Variants in HTR7 observed in about 807,000 individuals in gnomAD.
HTR7 encodes the protein 5-hydroxytryptamine receptor 7.
HTR7 carries 16 observed loss-of-function variants against 34.0 expected under a neutral mutation model. The observed-to-expected ratio is 0.47, with a 90% CI of 0.32 to 0.71. The LOEUF is 0.71. Among genes scored for constraint, HTR7 ranks in the 30% least tolerant of loss-of-function variants. HTR7 has a pLI of 0.04. For synonymous variants in HTR7, 265 were observed against 260.2 expected (o/e 1.02, Z -0.18); for missense variants, 504 against 625.5 (o/e 0.81, Z 2.07).
chr10:90,813,122 A>C (rs2119975189), intron 1 of HTR7, among the ~76,000 whole-genome samples: 1 of 151,760 alleles, frequency 6.6e-6, no homozygotes, highest in South Asian at 2.1e-4. Context: ...ACCTACCCAA[A>C]TCTTATAAAA....
chr10:90,750,678 C>A (rs1844719646), intron 1 of HTR7, among the ~76,000 whole-genome samples: 1 of 152,132 alleles, frequency 6.6e-6, no homozygotes, highest in Non-Finnish European at 1.5e-5. Context: ...AGGTTATTTT[C>A]TGAAAGTTAG....
intron 1 of HTR7, among the ~76,000 whole-genome samples, chr10:90,783,632 G>A (rs1845339893): frequency 6.6e-6 from 1 of 152,138 alleles, no homozygotes; most frequent in African/African-American, 2.4e-5. Flanking sequence ...GCTTTTTAGA[G>A]ATAGGCTTTT....
At chr10:90,782,479 T>C (rs1845320253) in intron 1 of HTR7, among the ~76,000 whole-genome samples, 1 of 152,200 alleles carries the variant, frequency 6.6e-6, no homozygotes, top group South Asian at 2.1e-4. Context: ...ATGGCAATGA[T>C]GAAGTTAAAT....
At chr10:90,840,678 C>G (rs1403726039) in intron 1 of HTR7, among the ~76,000 whole-genome samples, 1 of 152,204 alleles carries the variant, frequency 6.6e-6, no homozygotes, top group Non-Finnish European at 1.5e-5. Context: ...AACACAACAA[C>G]ACTACTAATA....
intron 1 of HTR7, among the ~76,000 whole-genome samples, chr10:90,756,870 A>G (rs949228744): frequency 6.6e-6 from 1 of 152,142 alleles, no homozygotes; most frequent in African/African-American, 2.4e-5. Flanking sequence ...GAAAAAGAAA[A>G]ATACATGTCT....
At chr10:90,766,758 T>A (rs1845031795) in intron 1 of HTR7, among the ~76,000 whole-genome samples, 1 of 152,250 alleles carries the variant, frequency 6.6e-6, no homozygotes, top group Non-Finnish European at 1.5e-5. Flanking sequence ...AGTTATAGCA[T>A]CACCCTAATT....
At chr10:90,781,275 A>G (rs1845301943) in intron 1 of HTR7, among the ~76,000 whole-genome samples, 1 of 152,224 alleles carries the variant, frequency 6.6e-6, no homozygotes, top group African/African-American at 2.4e-5. Flanking sequence ...CACAGTATAT[A>G]TATATGGCAT....
intron 1 of HTR7, among the ~76,000 whole-genome samples, chr10:90,833,446 A>C (rs949200954): frequency 1.3e-5 from 2 of 152,186 alleles, no homozygotes; most frequent in African/African-American, 4.8e-5. Flanking sequence ...AAATTATCTA[A>C]GCCTTTCCTT....
intron 1 of HTR7, among the ~76,000 whole-genome samples, chr10:90,795,383 A>C (rs962528063): frequency 6.6e-6 from 1 of 152,120 alleles, no homozygotes; most frequent in Non-Finnish European, 1.5e-5. Context: ...AAAAATTAGC[A>C]CCTCCTTCTA....
At chr10:90,751,107 T>C (rs1844726159) in intron 1 of HTR7, among the ~76,000 whole-genome samples, 3 of 152,254 alleles carry the variant, frequency 2.0e-5, no homozygotes. Flanking sequence ...AACTTCCGCC[T>C]CCCCTTTTCC....
At chr10:90,752,973 C>T (rs1424636507) in intron 1 of HTR7, among the ~76,000 whole-genome samples, 2 of 152,034 alleles carry the variant, frequency 1.3e-5, no homozygotes, top group Non-Finnish European at 2.9e-5. Flanking sequence ...CAAAATGAAA[C>T]ATCAATAAAT....
At chr10:90,771,855 C>G (rs1237349268) in intron 1 of HTR7, among the ~76,000 whole-genome samples, 1 of 151,788 alleles carries the variant, frequency 6.6e-6, no homozygotes, top group Non-Finnish European at 1.5e-5. Context: ...CACCACCAGA[C>G]AGAGGTTTCC....
At chr10:90,753,297 C>T (rs1425671064) in intron 1 of HTR7, among the ~76,000 whole-genome samples, 1 of 152,020 alleles carries the variant, frequency 6.6e-6, no homozygotes, top group African/African-American at 2.4e-5. Context: ...TTTGGGAGGC[C>T]AAGGTGGAAG....
intron 1 of HTR7, among the ~76,000 whole-genome samples, chr10:90,850,935 A>T (rs997334318): frequency 6.6e-5 from 10 of 152,230 alleles, no homozygotes; most frequent in Admixed American, 3.3e-4. Flanking sequence ...AGACATAGAG[A>T]AGTAAAGAAT....
intron 1 of HTR7, among the ~76,000 whole-genome samples, chr10:90,787,390 A>C (rs1845396458): frequency 2.0e-5 from 3 of 152,138 alleles, no homozygotes; most frequent in Non-Finnish European, 4.4e-5. Context: ...CGGGAGACAG[A>C]GACAGGAGAA....
At chr10:90,783,254 G>A (rs1166884563) in intron 1 of HTR7, among the ~76,000 whole-genome samples, 3 of 152,112 alleles carry the variant, frequency 2.0e-5, no homozygotes, top group African/African-American at 4.8e-5. Flanking sequence ...AGATTCTCAA[G>A]AAAGACTTCC....
At chr10:90,820,032 A>G (rs1005855274) in intron 1 of HTR7, among the ~76,000 whole-genome samples, 1 of 152,180 alleles carries the variant, frequency 6.6e-6, no homozygotes, top group African/African-American at 2.4e-5. Flanking sequence ...TACATTTATC[A>G]GGAAGGAAAA....
At chr10:90,785,139 G>A (rs66533440) in intron 1 of HTR7, among the ~76,000 whole-genome samples, 19,905 of 152,184 alleles carry the variant, frequency 0.13, 1,581 homozygotes, top group East Asian at 0.2. Context: ...AATATAAGAC[G>A]CATTAGCACA....
At chr10:90,762,879 T>C (rs544696254) in intron 1 of HTR7, among the ~76,000 whole-genome samples, 3 of 152,344 alleles carry the variant, frequency 2.0e-5, no homozygotes, top group African/African-American at 7.2e-5. Flanking sequence ...GCATCATTTA[T>C]TGAATAGACT....
Sources: allele counts gnomAD v4.1 joint callset (sites outside exome capture counted in the v4.1 genomes callset), GRCh38; gene constraint gnomAD v4.1.1; transcripts MANE v1.5; gene names NCBI Gene and HGNC (gene_info 2026-07-23, HGNC 2026-07-21).